Variants in ALX3 observed in about 807,000 individuals in gnomAD.
ALX3 encodes ALX homeobox 3.
A neutral mutation model predicts 26.3 loss-of-function variants in ALX3; 17 were observed. The observed-to-expected ratio is 0.65, with a 90% CI of 0.44 to 0.97. The LOEUF is 0.97. Among genes scored for constraint, ALX3 ranks in the 50% least tolerant of loss-of-function variants. The pLI, the probability that ALX3 is intolerant of heterozygous loss-of-function variation, is 0.00. For missense variants in ALX3, 461 were observed against 466.5 expected, an observed-to-expected ratio of 0.99 and a Z score of 0.11; for synonymous variants, 208 against 201.4, an observed-to-expected ratio of 1.03 and a Z score of -0.28.
At chr1:110,061,327 C>T (rs1194070817) in intron 3 of ALX3, 108 bp downstream of exon 3, 14 of 1,524,424 alleles carry the variant, frequency 9.2e-6, no homozygotes, top group Non-Finnish European at 1.3e-5. Context: ...AAGTGGTGTA[C>T]CCACTGTCAT....
intron 2 of ALX3, 98 bp from the exon 3 acceptor site, chr1:110,061,661 G>T: frequency 6.5e-7 from 1 of 1,536,228 alleles, no homozygotes. Context: ...TTGTGGGATG[G>T]GGAGCAGGCT....
At chr1:110,064,292 C>T (rs912792528) in intron 2 of ALX3, among the ~76,000 whole-genome samples, 6 of 152,230 alleles carry the variant, frequency 3.9e-5, no homozygotes, top group African/African-American at 1.4e-4. Flanking sequence ...GATCTATTAA[C>T]ATACCCCAAA....
chr1:110,070,370 G>C lies in ALX3; in HGVS notation c.243C>G (p.Leu81=), dbSNP rs1323031383. The C allele has an allele frequency of 7.8e-7, 1 of 1,289,042 alleles. No homozygotes were observed. Among genetic ancestry groups the C allele is most frequent in the Non-Finnish European group, 9.8e-7 (1 of 1,018,396 alleles). 79.9% of individuals were successfully genotyped at this position (1,289,042 alleles called of 1,614,324 possible). A position where few individuals can be genotyped will look rare whatever the true frequency, so the allele number is the denominator to read the frequency against. ...YLQDLGPGPA[L]NGGHFYEGPA... ...GGCCCTCGTAGAAGTGGCCGCCGTT[G>C]AGGGCCGGGCCGGGCCCGAGGTCCT... Residue 81 remains leucine, a synonymous_variant, in exon 1 of 4, where the codon CTC becomes CTG. Coordinates refer to ENST00000647563, the MANE Select transcript of ALX3 (RefSeq NM_006492.3).
chr1:110,064,175 G>T (rs1653722676), intron 2 of ALX3, among the ~76,000 whole-genome samples: 1 of 152,186 alleles, frequency 6.6e-6, no homozygotes, highest in African/African-American at 2.4e-5. Flanking sequence ...TGTGTGTTCA[G>T]CACTTCACCG....
At chr1:110,062,643 G>GCGCGCGCGCGCGC (rs1557802205) in intron 2 of ALX3, 11 of 1,990 alleles carry the variant, frequency 5.5e-3, no homozygotes, top group African/African-American at 0.035. Flanking sequence ...GTGTGTGTGT[G>GCGCGCGCGCGCGC]TGGAGTAATC....
chr1:110,070,526 C>A lies in ALX3; in HGVS notation c.87G>T (p.Gln29His). ...GGTGAGGCGCAGCGGCGGGGGTTCC[C>A]TGCGGGCCCGGAGGCTCGTCCCCCG... The part of the protein sequence containing the change: ...VASGDEPPGP[Q>H]GTPAAAPHLH... The change falls in exon 1 of 4, where the codon CAG becomes CAT. Residue 29 changes from glutamine (Q) to histidine (H), a missense_variant. By Grantham distance (24) the Gln-to-His change is conservative. This residue lies in a region of ALX3 where 241 missense variants were observed against 206.1 expected (regional missense o/e 1.17). Coordinates refer to ENST00000647563, the MANE Select transcript of ALX3 (RefSeq NM_006492.3). 7.8e-7 allele frequency: 1 copy of A among 1,288,256 alleles called. No homozygotes were observed. Among genetic ancestry groups the A allele is most frequent in the Non-Finnish European group, 9.8e-7 (1 of 1,018,078 alleles). The allele number at this position is 1,288,256 out of a possible 1,614,324, so 79.8% of individuals were successfully genotyped here.
chr1:110,070,545 T>G lies in ALX3; in HGVS notation c.68A>C (p.Asp23Ala), dbSNP rs1653894975. The G allele has an allele frequency of 3.9e-6, 5 of 1,296,384 alleles. No homozygotes were observed. In the South Asian group the frequency reaches 1.1e-4, roughly 29 times the overall value. The allele number at this position is 1,296,384 out of a possible 1,614,324, so 80.3% of individuals were successfully genotyped here. A position where few individuals can be genotyped will look rare whatever the true frequency, so the allele number is the denominator to read the frequency against. ...PAPGPYVASG[D>A]EPPGPQGTPA... The stretch of plus-strand genomic sequence containing the variant: ...GGTTCCCTGCGGGCCCGGAGGCTCG[T>G]CCCCCGAGGCCACATAGGGGCCGGG... Residue 23 changes from aspartate (D) to alanine (A), a missense_variant, in exon 1 of 4, where the codon GAC becomes GCC. Physicochemically the swap from Asp to Ala is moderately radical, Grantham distance 126. Transcript: ENST00000647563.
chr1:110,064,004 G>A (rs1413098724), intron 2 of ALX3, among the ~76,000 whole-genome samples: 1 of 151,956 alleles, frequency 6.6e-6, no homozygotes, highest in Non-Finnish European at 1.5e-5. Context: ...ATGGGGAAGG[G>A]CTCCCAGCCA....
In ALX3 at chr1:110,064,898, C is replaced by G. The variant is rs765502729; in HGVS notation, c.283G>C (p.Glu95Gln). The change falls in exon 2 of 4, where the codon GAG becomes CAG. Residue 95 changes from glutamate to glutamine, a missense_variant. Glu to Gln is a conservative substitution (Grantham distance 29). Transcript: ENST00000647563. ...HFYEGPAEAEEKTSKAASFPQ... is the reference protein window; with the variant it reads ...HFYEGPAEAEQKTSKAASFPQ... ...AAGCTGGCAGCTTTGGAGGTCTTCT[C>G]CTCAGCTGCAATGGAGAACACAAAA... The G allele has an allele frequency of 6.2e-7, 1 of 1,605,486 alleles. No individual in the cohort carries two copies.
chr1:110,063,831 C>T (rs891162862), intron 2 of ALX3, among the ~76,000 whole-genome samples: 1 of 151,942 alleles, frequency 6.6e-6, no homozygotes, highest in Non-Finnish European at 1.5e-5. Context: ...TGCTTGCCAC[C>T]TTCATGTGCT....
intron 1 of ALX3, among the ~76,000 whole-genome samples, chr1:110,068,192 C>T (rs1017777920): frequency 6.6e-6 from 1 of 152,206 alleles, no homozygotes; most frequent in Non-Finnish European, 1.5e-5. Flanking sequence ...TGCCCAGCCT[C>T]GTGAAAGATC....
rs137870069 is a variant in ALX3 at position 110,068,758 on chromosome 1, G to A, written c.277+1578C>T. ...GACTGCCATTTACCCTCTCGTTCTC[G>A]CCGCGCTCTCCGTTGTTTTGTTCAA... On this transcript the variant is annotated intron_variant, in intron 1 of 3. Coordinates refer to ENST00000647563, the MANE Select transcript of ALX3 (RefSeq NM_006492.3). Among the ~76,000 whole-genome samples the A allele has an allele frequency of 1.6e-3, 244 of 151,632 alleles. 4 individuals carry two copies. In the East Asian group the frequency reaches 0.024, roughly 15 times the overall value.
At chr1:110,065,604 A>C (rs1653761749) in intron 1 of ALX3, among the ~76,000 whole-genome samples, 1 of 152,218 alleles carries the variant, frequency 6.6e-6, no homozygotes, top group Admixed American at 6.5e-5. Flanking sequence ...AGCAGAGCTG[A>C]GATAGGCTGT....
rs2274568 is a variant in ALX3, at chr1:110,070,303, G to A, written c.277+33C>T. On this transcript the variant is annotated intron_variant, in intron 1 of 3. Transcript: ENST00000647563. ...GGGTAAGGAAGAAGAAGAGAGGGTCGGGCTGCGCGCTACGCCCCGCGCCGC... is the reference window on the plus strand; with the variant it reads ...GGGTAAGGAAGAAGAAGAGAGGGTCAGGCTGCGCGCTACGCCCCGCGCCGC... The A allele has an allele frequency of 0.6, 774,659 of 1,289,486 alleles. 234,875 individuals carry two copies. Among genetic ancestry groups the A allele is most frequent in the East Asian group, 0.82 (29,038 of 35,292 alleles). 79.9% of individuals were successfully genotyped at this position (1,289,486 alleles called of 1,614,324 possible).
rs1443348208 is a variant in ALX3, at chr1:110,060,873, A to G, written c.892T>C (p.Tyr298His). 6.2e-7 allele frequency: 1 copy of G among 1,613,870 alleles called. No individual in the cohort carries two copies. Among genetic ancestry groups the G allele is most frequent in the African/African-American group, 1.3e-5 (1 of 74,920 alleles). ...GTGGGGGGAAAGCCATGGATGGAGT[A>G]GATGCCAGGGTGAGCCGCAGAAGGG... ...PAPSAAHPGI[Y>H]SIHGFPPTLG... Residue 298 changes from tyrosine to histidine, a missense_variant, in exon 4 of 4, where the codon TAC (tyrosine) becomes CAC (histidine). Coordinates refer to ENST00000647563, the MANE Select transcript of ALX3 (RefSeq NM_006492.3).
At chr1:110,064,549 G>A in intron 2 of ALX3, 38 bp downstream of exon 2, 1 of 1,610,960 alleles carries the variant, frequency 6.2e-7, no homozygotes, top group African/African-American at 1.3e-5. Context: ...CTGTGTGATA[G>A]GGGCAGCCAG....
chr1:110,061,080 C>G, intron 3 of ALX3, 39 bp from the exon 4 acceptor site: 2 of 1,572,188 alleles, frequency 1.3e-6, no homozygotes, highest in Admixed American at 1.9e-5. Flanking sequence ...AGCCTGTAGC[C>G]TCAGGAGCTG....
chr1:110,070,614 C>T lies in ALX3; in HGVS notation c.-2G>A. 1 of 1,237,278 alleles carries T rather than the reference C, an allele frequency of 8.1e-7. No homozygotes were observed. Among genetic ancestry groups the T allele is most frequent in the Non-Finnish European group, 1.0e-6 (1 of 990,120 alleles). 76.6% of individuals were successfully genotyped at this position (1,237,278 alleles called of 1,614,324 possible). On this transcript the variant is annotated 5_prime_UTR_variant, in exon 1 of 4. Coordinates refer to ENST00000647563, the MANE Select transcript of ALX3 (RefSeq NM_006492.3). ...AGGCGCGCAGTGCTCGGGGTCCATGCCGGCTCAGGGCGCACAGGCCTCCGG... is the reference window on the plus strand; with the variant it reads ...AGGCGCGCAGTGCTCGGGGTCCATGTCGGCTCAGGGCGCACAGGCCTCCGG...
chr1:110,070,529 C>T lies in ALX3; in HGVS notation c.84G>A (p.Pro28=), dbSNP rs1011770350. The change falls in exon 1 of 4, where the codon CCG becomes CCA. Residue 28 remains proline, a synonymous_variant. Coordinates refer to ENST00000647563, the MANE Select transcript of ALX3 (RefSeq NM_006492.3). ...GAGGCGCAGCGGCGGGGGTTCCCTG[C>T]GGGCCCGGAGGCTCGTCCCCCGAGG... ...YVASGDEPPG[P]QGTPAAAPHL... 3.1e-6 allele frequency: 4 copies of T among 1,287,098 alleles called. No individual in the cohort carries two copies. The highest frequency in any genetic ancestry group is 3.2e-5 in the East Asian group (1 of 31,436). The allele number at this position is 1,287,098 out of a possible 1,614,324, so 79.7% of individuals were successfully genotyped here.
Sources: gnomAD v4.1 joint callset for allele counts (sites outside exome capture counted in the v4.1 genomes callset) on GRCh38, gnomAD v4.1.1 for gene constraint, gnomAD v4.1.1 regional missense constraint, MANE v1.5 for transcripts, NCBI Gene and HGNC (gene_info 2026-07-23, HGNC 2026-07-21) for gene names.